ALK: variants seen among roughly 807,000 people sequenced by gnomAD.
ALK encodes ALK receptor tyrosine kinase.
In ALK, 74 loss-of-function variants were observed where a neutral mutation model predicts 163.1. That is an observed-to-expected ratio of 0.45 (90% confidence interval 0.38 to 0.55). The LOEUF (loss-of-function observed/expected upper bound fraction) is 0.55, where lower values mean the gene tolerates loss of function less well. Ranked by LOEUF, ALK falls within the 20% of genes least tolerant of loss-of-function variation. ALK has a pLI of 0.00. For synonymous variants in ALK, 960 were observed against 843.2 expected (o/e 1.14, Z -2.40); for missense variants, 2,063 against 2,105.3 (o/e 0.98, Z 0.39).
chr2:29,516,437 T>C (rs937280154), intron 4 of ALK, among the ~76,000 whole-genome samples: 1 of 152,158 alleles, frequency 6.6e-6, no homozygotes, highest in Non-Finnish European at 1.5e-5. Flanking sequence ...GGGGGTCCAC[T>C]GGGTAGGTGG....
At chr2:29,731,687 C>T (rs1442842498) in intron 1 of ALK, among the ~76,000 whole-genome samples, 2 of 152,188 alleles carry the variant, frequency 1.3e-5, no homozygotes, top group Non-Finnish European at 2.9e-5. Context: ...AAAATATTTC[C>T]TCAAATCCTG....
intron 4 of ALK, among the ~76,000 whole-genome samples, chr2:29,479,886 G>A (rs1319006134): frequency 6.6e-6 from 1 of 152,224 alleles, no homozygotes; most frequent in East Asian, 1.9e-4. Context: ...AAGGACATGA[G>A]AGTCTTGAAA....
At chr2:29,223,240 G>C (rs925584631) in intron 20 of ALK, 102 bp downstream of exon 20, 1 of 1,315,748 alleles carries the variant, frequency 7.6e-7, no homozygotes, top group Non-Finnish European at 1.1e-6. Flanking sequence ...CATAGGGAGG[G>C]CTCTGCCGGC....
intron 4 of ALK, among the ~76,000 whole-genome samples, chr2:29,409,748 C>T (rs1160348459): frequency 6.6e-6 from 1 of 152,182 alleles, no homozygotes; most frequent in Non-Finnish European, 1.5e-5. Context: ...AGACTCTTAT[C>T]TGTGTCCTTG....
chr2:29,435,333 G>A (rs1670371321), intron 4 of ALK, among the ~76,000 whole-genome samples: 1 of 152,088 alleles, frequency 6.6e-6, no homozygotes, highest in African/African-American at 2.4e-5. Flanking sequence ...GGAGTCTTCA[G>A]CACCATCCAG....
chr2:29,552,883 T>C (rs1032872659), intron 3 of ALK, among the ~76,000 whole-genome samples: 2 of 152,170 alleles, frequency 1.3e-5, no homozygotes, highest in Admixed American at 6.6e-5. Flanking sequence ...CAGCCTCCCA[T>C]CCTGCCTGTC....
intron 3 of ALK, among the ~76,000 whole-genome samples, chr2:29,563,038 A>G (rs1181832418): frequency 6.6e-6 from 1 of 152,182 alleles, no homozygotes. Context: ...TTACTCACAA[A>G]AACATGGTCT....
At chr2:29,894,236 G>A (rs6547982) in intron 1 of ALK, among the ~76,000 whole-genome samples, 107,324 of 151,940 alleles carry the variant, frequency 0.71, 38,297 homozygotes, top group East Asian at 0.77. Context: ...GTAGCCCCCA[G>A]TGAATATTTG....
At chr2:29,335,277 A>G (rs1344308444) in intron 5 of ALK, among the ~76,000 whole-genome samples, 1 of 152,198 alleles carries the variant, frequency 6.6e-6, no homozygotes, top group African/African-American at 2.4e-5. Context: ...GAATTTACAT[A>G]TTAGCCTTTG....
intron 3 of ALK, among the ~76,000 whole-genome samples, chr2:29,576,265 C>T (rs1350572004): frequency 6.6e-6 from 1 of 152,190 alleles, no homozygotes; most frequent in Non-Finnish European, 1.5e-5. Context: ...GTGTGCTTGT[C>T]AACAACTCCA....
intron 1 of ALK, among the ~76,000 whole-genome samples, chr2:29,871,331 TGC>T (rs1666571498): frequency 1.3e-5 from 2 of 152,332 alleles, no homozygotes; most frequent in Admixed American, 1.3e-4. Flanking sequence ...GCAATCATCC[TGC>T]ACTGACCCCT....
chr2:29,643,066 CAGAGATAAAATGGTATGGGGGAAAGCCAA>C (rs1175854076), intron 3 of ALK, among the ~76,000 whole-genome samples: 9 of 151,220 alleles, frequency 6.0e-5, no homozygotes, highest in Non-Finnish European at 8.8e-5. Context: ...TTAAAAGAGA[CAGAGATAAAATGGTATGGGGGAAAGCCAA>C]AGAGATAAAA....
At chr2:29,506,533 T>A (rs1573411201) in intron 4 of ALK, among the ~76,000 whole-genome samples, 1 of 151,838 alleles carries the variant, frequency 6.6e-6, no homozygotes, top group African/African-American at 2.4e-5. Flanking sequence ...GATCATGAGG[T>A]CGGGAGATTG....
chr2:29,422,621 A>G (rs1265508983), intron 4 of ALK, among the ~76,000 whole-genome samples: 1 of 152,078 alleles, frequency 6.6e-6, no homozygotes, highest in East Asian at 1.9e-4. Flanking sequence ...ATTTTTGTTT[A>G]GTTTTTTTTC....
At chr2:29,382,621 G>C (rs1668928020) in intron 5 of ALK, among the ~76,000 whole-genome samples, 1 of 152,148 alleles carries the variant, frequency 6.6e-6, no homozygotes, top group African/African-American at 2.4e-5. Flanking sequence ...ATGGTACATA[G>C]ATCCTTGACA....
chr2:29,658,854 A>G (rs1677267098), intron 3 of ALK, among the ~76,000 whole-genome samples: 1 of 152,226 alleles, frequency 6.6e-6, no homozygotes, highest in South Asian at 2.1e-4. Flanking sequence ...ACACTGAAGC[A>G]GGGACCATAA....
In ALK at chr2:29,628,121, G is replaced by C. The variant is rs186986513; in HGVS notation, c.952+66729C>G. On this transcript the variant is annotated intron_variant, in intron 3 of 28. Transcript: ENST00000389048. ...CCCCAGCTATGTGTAAAGTTAAAAA[G>C]TATGCATTAAGCTATAATCTTTTCC... 4.3e-4 allele frequency among the ~76,000 whole-genome samples: 65 copies of C among 152,270 alleles called. No homozygotes were observed. The East Asian group carries it at 9.1e-3, about 21-fold the overall frequency.
chr2:29,814,668 GA>G (rs930059059), intron 1 of ALK, among the ~76,000 whole-genome samples: 3 of 148,458 alleles, frequency 2.0e-5, no homozygotes, highest in African/African-American at 5.0e-5. Context: ...TCCAAAAAAA[GA>G]AAAAAAAAGA....
At chr2:29,639,124 C>A (rs114151358) in intron 3 of ALK, among the ~76,000 whole-genome samples, 1,796 of 152,268 alleles carry the variant, frequency 0.012, 43 homozygotes, top group African/African-American at 0.041. Flanking sequence ...CAGCAGAAAT[C>A]TAGCTTTCAC....
Sources: allele counts gnomAD v4.1 joint callset (sites outside exome capture counted in the v4.1 genomes callset), GRCh38; gene constraint gnomAD v4.1.1; transcripts MANE v1.5; gene names NCBI Gene and HGNC (gene_info 2026-07-23, HGNC 2026-07-21).